The following C7 variants were observed in gnomAD, a reference collection of about 807,000 sequenced individuals.
The protein encoded by C7 is complement C7.
Under a neutral mutation model 104.8 loss-of-function variants are expected in C7, and 83 were observed. The ratio of observed to expected loss-of-function variants is 0.79; its 90% CI spans 0.66 to 0.95. The LOEUF is 0.95. Ranked by LOEUF, C7 falls within the 40% of genes least tolerant of loss-of-function variation. C7 has a pLI of 0.00. For missense variants in C7, 1,070 were observed against 1,011.2 expected (o/e 1.06, Z -0.79); for synonymous variants, 415 against 360.6 (o/e 1.15, Z -1.71).
At chr5:40,942,121 G>C (rs1739953367) in intron 6 of C7, among the ~76,000 whole-genome samples, 1 of 152,220 alleles carries the variant, frequency 6.6e-6, no homozygotes, top group Non-Finnish European at 1.5e-5. Flanking sequence ...ATTGCTGGAA[G>C]TCAGACCATT....
intron 1 of C7, among the ~76,000 whole-genome samples, chr5:40,916,016 G>GTATA (rs1739308709): frequency 6.6e-6 from 1 of 152,224 alleles, no homozygotes; most frequent in South Asian, 2.1e-4. Flanking sequence ...TTATAAATTG[G>GTATA]ATGCATTTGA....
rs928376860 is a variant in C7, at chr5:40,959,290, G to C, written c.1490-159G>C. Among the ~76,000 whole-genome samples the C allele has an allele frequency of 2.0e-5, 3 of 152,298 alleles. No individual in the cohort carries two copies. In the East Asian group the frequency reaches 5.8e-4, roughly 29 times the overall value. On this transcript the variant is annotated intron_variant, in intron 11 of 17. Coordinates refer to ENST00000313164, the MANE Select transcript of C7 (RefSeq NM_000587.4). ...TATGGACATTCCTAGTCTGTATGTA[G>C]AGCCATTCTGAACATTGTAGAAAAC...
rs1352986407 is a variant in C7, at chr5:40,972,482, G to A, written c.1962G>A (p.Lys654=). 3 of 1,613,778 alleles carry A rather than the reference G, an allele frequency of 1.9e-6. No homozygotes were observed. The highest frequency in any genetic ancestry group is 1.3e-5 in the African/African-American group (1 of 74,914). ...AACCTTTCTACACAGTTGGTGAGAA[G>A]GTGACTGTTTCCTGTTCAGGTGGCA... ...PQKPFYTVGE[K]VTVSCSGGMS... The change falls in exon 15 of 18, where the codon AAG becomes AAA. Residue 654 remains lysine, a synonymous_variant. Transcript: ENST00000313164.
Position 40,936,369 on chromosome 5 carries a change from T to A in C7, c.312T>A (p.Asn104Lys). 6.2e-7 allele frequency: 1 copy of A among 1,613,352 alleles called. No individual in the cohort carries two copies. The highest frequency in any genetic ancestry group is 1.3e-5 in the African/African-American group (1 of 74,980). Residue 104 changes from asparagine (N) to lysine (K), a missense_variant, in exon 5 of 18, where the codon AAT becomes AAA. Physicochemically the swap from Asn to Lys is moderately conservative, Grantham distance 94. Coordinates refer to ENST00000313164, the MANE Select transcript of C7 (RefSeq NM_000587.4). Reference protein sequence around the residue: ...GQCISKSLVCNGDSDCDEDSA... With the variant: ...GQCISKSLVCKGDSDCDEDSA... ...GCATCAGCAAATCATTGGTTTGCAA[T>A]GGGGATTCTGACTGTGATGAAGACA...
chr5:40,911,887 C>G (rs62358575), intron 1 of C7, among the ~76,000 whole-genome samples: 1 of 151,074 alleles, frequency 6.6e-6, no homozygotes, highest in Admixed American at 6.6e-5. Flanking sequence ...TACAGGCGTG[C>G]GCCACCATGC....
chr5:40,936,301 T>C (rs370522462), intron 4 of C7, 37 bp from the exon 5 acceptor site: 9 of 1,610,772 alleles, frequency 5.6e-6, no homozygotes, highest in Non-Finnish European at 6.8e-6. Context: ...TCCTCTTCCC[T>C]CTTTTACATT....
chr5:40,974,872 C>T (rs1435576939), intron 15 of C7, among the ~76,000 whole-genome samples: 2 of 152,162 alleles, frequency 1.3e-5, no homozygotes, highest in Non-Finnish European at 2.9e-5. Context: ...AACCTCAACG[C>T]TATTGGAATT....
In C7 at chr5:40,961,024, A is replaced by G. The variant is rs3805218; in HGVS notation, c.1662-1061A>G. Reference sequence around the variant, plus strand: ...GCTTAAGATTCTTACTCCAAGCCTTACTTAAACTTGCTTTCACCAAATAAT... The same window carrying G: ...GCTTAAGATTCTTACTCCAAGCCTTGCTTAAACTTGCTTTCACCAAATAAT... On this transcript the variant is annotated intron_variant, in intron 12 of 17. Coordinates refer to ENST00000313164, the MANE Select transcript of C7 (RefSeq NM_000587.4). 1.6e-4 allele frequency among the ~76,000 whole-genome samples: 25 copies of G among 152,298 alleles called. No individual in the cohort carries two copies. The East Asian group carries it at 4.8e-3, about 29-fold the overall frequency.
At chr5:40,914,880 G>A (rs555871101) in intron 1 of C7, among the ~76,000 whole-genome samples, 5 of 152,180 alleles carry the variant, frequency 3.3e-5, no homozygotes, top group African/African-American at 9.6e-5. Context: ...CAGTTACAGC[G>A]CGGACATTCA....
chr5:40,959,874 G>A (rs189179015), intron 12 of C7, among the ~76,000 whole-genome samples: 46 of 152,262 alleles, frequency 3.0e-4, no homozygotes, highest in African/African-American at 1.1e-3. Flanking sequence ...ATTCTCATTC[G>A]TTTTGGCCAC....
intron 6 of C7, among the ~76,000 whole-genome samples, chr5:40,944,280 G>A (rs570666161): frequency 1.3e-5 from 2 of 152,162 alleles, no homozygotes; most frequent in South Asian, 2.1e-4. Flanking sequence ...ATTCCCACAG[G>A]GACTGACATT....
In C7 at chr5:40,958,232, A is replaced by G; in HGVS notation, c.1460A>G (p.Glu487Gly). 6.2e-7 allele frequency: 1 copy of G among 1,610,762 alleles called. No homozygotes were observed. The highest frequency in any genetic ancestry group is 8.5e-7 in the Non-Finnish European group (1 of 1,177,886). ...CKPYTFGAAC[E>G]QGVLVGNQAG... ...CCGTACACATTTGGTGCGGCGTGTG[A>G]GCAAGGAGTCCTCGTAGGGAATCAA... Residue 487 changes from glutamate (E) to glycine (G), a missense_variant, in exon 11 of 18, where the codon GAG (glutamate) becomes GGG (glycine). By Grantham distance (98) the Glu-to-Gly change is moderately conservative. Coordinates refer to ENST00000313164, the MANE Select transcript of C7 (RefSeq NM_000587.4).
intron 10 of C7, 32 bp from the exon 11 acceptor site, chr5:40,958,001 G>A: frequency 6.7e-7 from 1 of 1,485,336 alleles, no homozygotes; most frequent in South Asian, 1.3e-5. Flanking sequence ...CTAAATCCCT[G>A]ATTACTGACT....
intron 14 of C7, 140 bp from the exon 15 acceptor site, chr5:40,972,263 C>T: frequency 2.8e-6 from 2 of 707,282 alleles, no homozygotes; most frequent in Non-Finnish European, 4.9e-6. Flanking sequence ...TTCAGTCCAC[C>T]CTAACAGTGA....
intron 1 of C7, among the ~76,000 whole-genome samples, chr5:40,911,911 G>A (rs1203668142): frequency 6.8e-6 from 1 of 146,294 alleles, no homozygotes; most frequent in Non-Finnish European, 1.5e-5. Flanking sequence ...GCTAATTTTT[G>A]TATTTTTTTT....
At chr5:40,912,653 C>T (rs1739232775) in intron 1 of C7, among the ~76,000 whole-genome samples, 1 of 152,186 alleles carries the variant, frequency 6.6e-6, no homozygotes, top group South Asian at 2.1e-4. Context: ...GCCACCAAAC[C>T]TGGCTGAAAT....
chr5:40,968,568 T>TA (rs1740610658), intron 14 of C7, among the ~76,000 whole-genome samples: 1 of 63,724 alleles, frequency 1.6e-5, no homozygotes, highest in Non-Finnish European at 3.1e-5. Context: ...TATATATATT[T>TA]TATATATATA....
chr5:40,955,538 A>C lies in C7; in HGVS notation c.1245A>C (p.Gln415His). 6.2e-7 allele frequency: 1 copy of C among 1,612,460 alleles called. No homozygotes were observed. The highest frequency in any genetic ancestry group is 8.5e-7 in the Non-Finnish European group (1 of 1,179,224). Residue 415 changes from glutamine (Q) to histidine (H), a missense_variant, in exon 10 of 18, where the codon CAA (glutamine) becomes CAC (histidine). Gln to His is a conservative substitution (Grantham distance 24). Transcript: ENST00000313164. ...CAGAATCTGTGACTAATCTTCCTCA[A>C]GTCATAAAACAAAAGGTATGTCAGG... Reference protein sequence around the residue: ...AWAESVTNLPQVIKQKLTPLY... With the variant: ...AWAESVTNLPHVIKQKLTPLY...
chr5:40,972,123 T>C, intron 14 of C7: 2 of 534,864 alleles, frequency 3.7e-6, no homozygotes, highest in South Asian at 1.7e-5. Context: ...GGCTGGGCAT[T>C]AGGACTCTAT....
Sources: gnomAD v4.1 joint callset for allele counts (sites outside exome capture counted in the v4.1 genomes callset) on GRCh38, gnomAD v4.1.1 for gene constraint, MANE v1.5 for transcripts, NCBI Gene and HGNC (gene_info 2026-07-23, HGNC 2026-07-21) for gene names.